SDK1: variants seen among roughly 807,000 people sequenced by gnomAD.
SDK1 encodes the protein protein sidekick-1.
SDK1 carries 157 observed loss-of-function variants against 245.5 expected under a neutral mutation model. The ratio of observed to expected loss-of-function variants is 0.64; its 90% confidence interval spans 0.56 to 0.73. The LOEUF is 0.73. SDK1 is among the 30% of genes least tolerant of loss of function. SDK1 has a pLI of 0.00. For synonymous variants in SDK1, 1,647 were observed against 1,278.5 expected, an observed-to-expected ratio of 1.29 and a Z score of -6.15; for missense variants, 3,583 against 3,002.3, an observed-to-expected ratio of 1.19 and a Z score of -4.52.
chr7:4,152,043 A>G (rs1052258835), intron 30 of SDK1, among the ~76,000 whole-genome samples: 3 of 152,136 alleles, frequency 2.0e-5, no homozygotes, highest in Non-Finnish European at 4.4e-5. Context: ...GAAAAGTCCA[A>G]CCCTTGGCTG....
chr7:4,010,956 A>C lies in SDK1; in HGVS notation c.2132-10A>C, dbSNP rs377602539. Reference sequence around the variant, plus strand: ...CTGTGGGCTTGAATTCGTTTTCTTCATTCTTTCAGACTCTCCATGGAAGGT... The same window carrying C: ...CTGTGGGCTTGAATTCGTTTTCTTCCTTCTTTCAGACTCTCCATGGAAGGT... On this transcript the variant is annotated splice_polypyrimidine_tract_variant and intron_variant, in intron 14 of 44. Coordinates refer to ENST00000404826, the MANE Select transcript of SDK1 (RefSeq NM_152744.4). 6.2e-7 allele frequency: 1 copy of C among 1,613,784 alleles called. No individual in the cohort carries two copies. The highest frequency in any genetic ancestry group is 1.7e-5 in the Admixed American group (1 of 59,990).
chr7:3,647,204 T>G (rs558879817), intron 4 of SDK1, among the ~76,000 whole-genome samples: 1 of 152,356 alleles, frequency 6.6e-6, no homozygotes, highest in South Asian at 2.1e-4. Context: ...TGAGCTGTGA[T>G]CACGCTATAG....
intron 13 of SDK1, among the ~76,000 whole-genome samples, chr7:3,984,460 G>T (rs1783662102): frequency 6.6e-6 from 1 of 152,192 alleles, no homozygotes; most frequent in Non-Finnish European, 1.5e-5. Flanking sequence ...TTAGAATTTA[G>T]AATTCGATCA....
In SDK1 at chr7:3,658,849, C is replaced by G. The variant is rs151068930; in HGVS notation, c.713+16744C>G. On this transcript the variant is annotated intron_variant, in intron 4 of 44. Transcript: ENST00000404826. ...GCCAGGCTGGTCTCAAATTCTTGAC[C>G]TCAGGTGATCCGCCCACTTCAGCCT... is the stretch of plus-strand genomic sequence containing the variant. 4.7e-3 allele frequency among the ~76,000 whole-genome samples: 718 copies of G among 152,176 alleles called. 5 individuals carry two copies. Among genetic ancestry groups the G allele is most frequent in the African/African-American group, 9.1e-3 (379 of 41,510 alleles).
chr7:4,079,424 A>G, intron 21 of SDK1, 39 bp from the exon 22 acceptor site: 1 of 1,610,644 alleles, frequency 6.2e-7, no homozygotes, highest in Non-Finnish European at 8.5e-7. Context: ...GCTGTGACGG[A>G]CTGTAAATCT....
chr7:3,532,738 T>C (rs564169763), intron 1 of SDK1, among the ~76,000 whole-genome samples: 1 of 152,326 alleles, frequency 6.6e-6, no homozygotes, highest in Non-Finnish European at 1.5e-5. Flanking sequence ...AGAGTCATCC[T>C]AGACTCCTCT....
chr7:4,063,118 G>T (rs556391678), intron 19 of SDK1, among the ~76,000 whole-genome samples: 1 of 152,116 alleles, frequency 6.6e-6, no homozygotes, highest in Non-Finnish European at 1.5e-5. Context: ...TCAGGCAAAA[G>T]AAAGGAATAA....
intron 14 of SDK1, among the ~76,000 whole-genome samples, chr7:4,003,343 T>G (rs1785215372): frequency 6.6e-6 from 1 of 152,216 alleles, no homozygotes; most frequent in Non-Finnish European, 1.5e-5. Context: ...CAGAACTGTT[T>G]CAAAGATGGA....
In SDK1 at chr7:3,709,085, T is replaced by C. The variant is rs367871828; in HGVS notation, c.713+66980T>C. 1.2e-4 allele frequency among the ~76,000 whole-genome samples: 18 copies of C among 152,254 alleles called. 1 individual carries two copies. Among genetic ancestry groups the C allele is most frequent in the Admixed American group, 6.5e-4 (10 of 15,292 alleles). On this transcript the variant is annotated intron_variant, in intron 4 of 44. Transcript: ENST00000404826. ...TCTATTATGGTGCATAACAACCTTT[T>C]GTTTCAGAATTCAGAACTCCTTTTA...
At chr7:4,014,008 C>T (rs2128150499) in intron 16 of SDK1, among the ~76,000 whole-genome samples, 1 of 152,388 alleles carries the variant, frequency 6.6e-6, no homozygotes, top group African/African-American at 2.4e-5. Context: ...GCTCCTGTGG[C>T]ACTGCTGCTC....
intron 29 of SDK1, among the ~76,000 whole-genome samples, chr7:4,147,076 G>A (rs1449935604): frequency 6.6e-6 from 1 of 152,234 alleles, no homozygotes; most frequent in African/African-American, 2.4e-5. Flanking sequence ...TCCAGGTCCT[G>A]ATGTCATGGC....
At chr7:4,193,147 T>C (rs1783314546) in intron 35 of SDK1, among the ~76,000 whole-genome samples, 1 of 130,630 alleles carries the variant, frequency 7.7e-6, no homozygotes, top group Admixed American at 8.3e-5. Flanking sequence ...TATTAATATA[T>C]TTATATAATA....
At chr7:4,118,606 T>C (rs1017552763) in intron 25 of SDK1, among the ~76,000 whole-genome samples, 4 of 150,658 alleles carry the variant, frequency 2.7e-5, no homozygotes, top group Non-Finnish European at 4.5e-5. Flanking sequence ...AAAACATATG[T>C]CTACACAAAA....
Position 4,190,031 on chromosome 7 carries a change from T to C in SDK1, c.5098+11445T>C, listed in dbSNP as rs531166290. Among the ~76,000 whole-genome samples, 362 of 152,304 alleles carry C rather than the reference T, an allele frequency of 2.4e-3. 1 individual carries two copies. Among genetic ancestry groups the C allele is most frequent in the African/African-American group, 7.8e-3 (324 of 41,562 alleles). On this transcript the variant is annotated intron_variant, in intron 35 of 44. Coordinates refer to ENST00000404826, the MANE Select transcript of SDK1 (RefSeq NM_152744.4). ...AGCTTCTAGCTGTTTCAGCTCCCGC[T>C]AGTGACAAATAAAGCCAGTCCTAGT...
intron 5 of SDK1, among the ~76,000 whole-genome samples, chr7:3,863,599 C>T (rs1375524713): frequency 6.6e-6 from 1 of 152,208 alleles, no homozygotes; most frequent in Admixed American, 6.5e-5. Context: ...CCCTCTTCAG[C>T]ATCCTCACTC....
intron 5 of SDK1, among the ~76,000 whole-genome samples, chr7:3,825,713 T>C (rs1333503097): frequency 6.6e-6 from 1 of 152,186 alleles, no homozygotes; most frequent in Non-Finnish European, 1.5e-5. Flanking sequence ...AGTGGATTCC[T>C]GAGAATGTCC....
At chr7:4,172,754 G>A (rs959123639) in intron 32 of SDK1, among the ~76,000 whole-genome samples, 3 of 152,078 alleles carry the variant, frequency 2.0e-5, no homozygotes, top group Admixed American at 6.6e-5. Flanking sequence ...TCCAGCTTCC[G>A]GTGGCCGATG....
intron 1 of SDK1, among the ~76,000 whole-genome samples, chr7:3,350,026 TC>T (rs1780616254): frequency 2.6e-5 from 4 of 152,324 alleles, no homozygotes; most frequent in Middle Eastern, 3.4e-3. Flanking sequence ...TTTGTGCCTC[TC>T]ACATTTATGC....
rs144434786 is a variant in SDK1 at position 3,425,614 on chromosome 7, A to G, written c.298+123730A>G. ...GTGGAAATCTCATTAATGGGAATGAACAATACAACTGTATTCAAGGTTTAG... is the reference window on the plus strand; with the variant it reads ...GTGGAAATCTCATTAATGGGAATGAGCAATACAACTGTATTCAAGGTTTAG... On this transcript the variant is annotated intron_variant, in intron 1 of 44. Coordinates refer to ENST00000404826, the MANE Select transcript of SDK1 (RefSeq NM_152744.4). Among the ~76,000 whole-genome samples the G allele has an allele frequency of 2.0e-3, 299 of 152,354 alleles. 2 individuals are homozygous for G. Among genetic ancestry groups the G allele is most frequent in the African/African-American group, 6.9e-3 (289 of 41,592 alleles).
Sources: allele counts gnomAD v4.1 joint callset (sites outside exome capture counted in the v4.1 genomes callset), GRCh38; gene constraint gnomAD v4.1.1; transcripts MANE v1.5; gene names NCBI Gene and HGNC (gene_info 2026-07-23, HGNC 2026-07-21).